The following SESN3 variants were observed in gnomAD, a reference collection of about 807,000 sequenced individuals.
SESN3 encodes sestrin 3.
A neutral mutation model predicts 55.3 loss-of-function variants in SESN3; 21 were observed. That is an observed-to-expected ratio of 0.38 (90% CI 0.27 to 0.55). SESN3 has a LOEUF of 0.55. Ranked by LOEUF, SESN3 falls within the 20% of genes least tolerant of loss-of-function variation. SESN3 has a pLI of 0.76. For missense variants in SESN3, 408 were observed against 604.3 expected, an observed-to-expected ratio of 0.68 and a Z score of 3.41; for synonymous variants, 181 against 203.1, an observed-to-expected ratio of 0.89 and a Z score of 0.93.
intron 1 of SESN3, among the ~76,000 whole-genome samples, chr11:95,201,997 C>T (rs115403985): frequency 0.01 from 1,563 of 152,148 alleles, 35 homozygotes; most frequent in African/African-American, 0.036. Context: ...CCATACTTCC[C>T]TTAAGCCCTG....
Position 95,177,761 on chromosome 11 carries a change from C to A in SESN3, c.1205G>T (p.Arg402Leu). 1 of 1,612,524 alleles carries A rather than the reference C, an allele frequency of 6.2e-7. No homozygotes were observed. The highest frequency in any genetic ancestry group is 8.5e-7 in the Non-Finnish European group (1 of 1,179,358). ...GTGAACATAGTTAAATAAAGCTCTG[C>A]GCAGCATGGTTGTGTCAACATCCTC... Reference protein sequence around the residue: ...THEDVDTTMLRRALFNYVHCM... With the variant: ...THEDVDTTMLLRALFNYVHCM... Residue 402 changes from arginine to leucine, a missense_variant, in exon 8 of 10, where the codon CGC becomes CTC. By Grantham distance (102) the Arg-to-Leu change is moderately radical. Around this residue, in one of 4 missense-constraint regions of SESN3, gnomAD observed 121 missense variants for 204.9 expected, o/e 0.59. Coordinates refer to ENST00000536441, the MANE Select transcript of SESN3 (RefSeq NM_144665.4).
intron 1 of SESN3, among the ~76,000 whole-genome samples, chr11:95,197,575 G>C (rs1402790108): frequency 6.6e-6 from 1 of 151,562 alleles, no homozygotes; most frequent in Non-Finnish European, 1.5e-5. Flanking sequence ...CTCCCGAGTT[G>C]CTGAGCTTCC....
Position 95,170,647 on chromosome 11 carries a change from T to C in SESN3, c.*2608A>G, listed in dbSNP as rs7930087. On this transcript the variant is annotated 3_prime_UTR_variant, in exon 10 of 10. Transcript: ENST00000536441. ...ACCGCATCAGAATTTCAAGTTTGCATTGGATAAAGAGAGTTAACAGCAAAC... is the reference window on the plus strand; with the variant it reads ...ACCGCATCAGAATTTCAAGTTTGCACTGGATAAAGAGAGTTAACAGCAAAC... 5.8e-3 allele frequency: 882 copies of C among 152,272 alleles called. 9 individuals are homozygous for C. Among genetic ancestry groups the C allele is most frequent in the African/African-American group, 0.02 (845 of 41,574 alleles). 9.4% of individuals were successfully genotyped at this position (152,272 alleles called of 1,614,324 possible). A position where few individuals can be genotyped will look rare whatever the true frequency, so the allele number is the denominator to read the frequency against.
intron 1 of SESN3, among the ~76,000 whole-genome samples, chr11:95,213,191 ATGTC>A (rs1860690869): frequency 6.6e-6 from 1 of 152,136 alleles, no homozygotes; most frequent in African/African-American, 2.4e-5. Context: ...CATATTGTGG[ATGTC>A]TGTCCACTTC....
rs770303513 is a variant in SESN3 at position 95,166,125 on chromosome 11, C to A, written c.*7130G>T. ...GACCGCCATTTGACACTGAAACTTG[C>A]GTGAATCCTAAATTGCATCAATTAT... On this transcript the variant is annotated 3_prime_UTR_variant, in exon 10 of 10. Transcript: ENST00000536441. 6.6e-6 allele frequency: 1 copy of A among 152,044 alleles called. No homozygotes were observed. The highest frequency in any genetic ancestry group is 2.4e-5 in the African/African-American group (1 of 41,400). 9.4% of individuals were successfully genotyped at this position (152,044 alleles called of 1,614,324 possible).
At position 95,229,184 on chromosome 11, in the gene SESN3, A is replaced by G. The variant is rs148337081; in HGVS notation, c.78+1599T>C. Among the ~76,000 whole-genome samples the G allele has an allele frequency of 1.7e-3, 259 of 152,346 alleles. 1 individual carries two copies. The highest frequency in any genetic ancestry group is 9.1e-3 in the South Asian group (44 of 4,832). On this transcript the variant is annotated intron_variant, in intron 1 of 9. Coordinates refer to ENST00000536441, the MANE Select transcript of SESN3 (RefSeq NM_144665.4). Reference sequence around the variant, plus strand: ...TTTTTTCATGTCAAAGACATAACATAAATTTAAAAATTAAGAAATAAATTT... The same window carrying G: ...TTTTTTCATGTCAAAGACATAACATGAATTTAAAAATTAAGAAATAAATTT...
intron 4 of SESN3, among the ~76,000 whole-genome samples, chr11:95,187,906 T>C (rs1216603469): frequency 6.6e-6 from 1 of 151,720 alleles, no homozygotes; most frequent in Non-Finnish European, 1.5e-5. Flanking sequence ...GTCACTCTCT[T>C]GTCCCACCCA....
At chr11:95,222,483 A>G (rs1211552027) in intron 1 of SESN3, among the ~76,000 whole-genome samples, 1 of 152,210 alleles carries the variant, frequency 6.6e-6, no homozygotes, top group Non-Finnish European at 1.5e-5. Flanking sequence ...GAAAATGAGA[A>G]AAGTTTTCAT....
chr11:95,197,446 T>C (rs532456188), intron 1 of SESN3, among the ~76,000 whole-genome samples: 3 of 70,958 alleles, frequency 4.2e-5, no homozygotes, highest in African/African-American at 1.3e-4. Flanking sequence ...TTTTCTTTTC[T>C]TTTTTTTTTT....
intron 1 of SESN3, among the ~76,000 whole-genome samples, chr11:95,210,713 A>T (rs532284596): frequency 1.3e-5 from 2 of 152,344 alleles, no homozygotes; most frequent in Admixed American, 6.5e-5. Context: ...TAAAACAGAA[A>T]GGAAGACTAA....
chr11:95,180,338 C>T (rs588170), intron 6 of SESN3, among the ~76,000 whole-genome samples: 7,555 of 152,198 alleles, frequency 0.05, 436 homozygotes, highest in East Asian at 0.3. Flanking sequence ...TTAATCTTTG[C>T]TATTGCATGA....
At chr11:95,221,483 A>G (rs928981543) in intron 1 of SESN3, among the ~76,000 whole-genome samples, 1 of 152,238 alleles carries the variant, frequency 6.6e-6, no homozygotes, top group Non-Finnish European at 1.5e-5. Flanking sequence ...GGAAGATGTA[A>G]AAATAAAATA....
chr11:95,186,607 A>G (rs1860172027), intron 4 of SESN3, among the ~76,000 whole-genome samples: 1 of 151,984 alleles, frequency 6.6e-6, no homozygotes, highest in African/African-American at 2.4e-5. Context: ...GAAGGAAGAT[A>G]TTGAACATTC....
At position 95,177,798 on chromosome 11, in the gene SESN3, T is replaced by C. The variant is rs776751070; in HGVS notation, c.1168A>G (p.Met390Val). ...GTGTCAACATCCTCATGGGTGGCCA[T>C]AGTGTTATATGTGAGATTGTAGACC... ...RMVYNLTYNT[M>V]ATHEDVDTTM... Residue 390 changes from methionine (M) to valine (V), a missense_variant, in exon 8 of 10, where the codon ATG becomes GTG. Physicochemically the swap from Met to Val is conservative, Grantham distance 21 (BLOSUM62 1). Coordinates refer to ENST00000536441, the MANE Select transcript of SESN3 (RefSeq NM_144665.4). The C allele has an allele frequency of 7.5e-6, 12 of 1,609,680 alleles. No individual in the cohort carries two copies. The highest frequency in any genetic ancestry group is 3.4e-5 in the Admixed American group (2 of 58,908).
rs1376248561 is a variant in SESN3 at position 95,190,170 on chromosome 11, T to G, written c.343-209A>C. 2.0e-5 allele frequency among the ~76,000 whole-genome samples: 3 copies of G among 151,972 alleles called. No homozygotes were observed. The East Asian group carries it at 5.8e-4, about 29-fold the overall frequency. ...CTTGTATAAGCAAATAATTGCCACA[T>G]GAAGCCAATTATTTCCTTGTCTGGA... On this transcript the variant is annotated intron_variant, in intron 3 of 9. Transcript: ENST00000536441.
chr11:95,173,237 T>C lies in SESN3; in HGVS notation c.*18A>G. On this transcript the variant is annotated 3_prime_UTR_variant, in exon 10 of 10. Coordinates refer to ENST00000536441, the MANE Select transcript of SESN3 (RefSeq NM_144665.4). Reference sequence around the variant, plus strand: ...GAAAGGTCTTTACACATGTATGACATTTTCCTTGGGTGATACTTCAGGTCA... The same window carrying C: ...GAAAGGTCTTTACACATGTATGACACTTTCCTTGGGTGATACTTCAGGTCA... 4 of 1,507,932 alleles carry C rather than the reference T, an allele frequency of 2.7e-6. No homozygotes were observed. The allele number at this position is 1,507,932 out of a possible 1,614,324, so 93.4% of individuals were successfully genotyped here.
At chr11:95,229,444 T>G (rs1222916278) in intron 1 of SESN3, among the ~76,000 whole-genome samples, 1 of 152,092 alleles carries the variant, frequency 6.6e-6, no homozygotes, top group Non-Finnish European at 1.5e-5. Flanking sequence ...AAACACAATT[T>G]AAGGCATATT....
intron 6 of SESN3, among the ~76,000 whole-genome samples, chr11:95,183,645 G>A (rs1231848992): frequency 4.4e-5 from 6 of 136,688 alleles, no homozygotes. Flanking sequence ...TCACGTCACT[G>A]AACTCCACCC....
chr11:95,198,109 G>A (rs1052834598), intron 1 of SESN3, among the ~76,000 whole-genome samples: 2 of 151,998 alleles, frequency 1.3e-5, no homozygotes, highest in Admixed American at 1.3e-4. Context: ...GCTAAATCCT[G>A]TAACTGTCTT....
Sources: gnomAD v4.1 joint callset for allele counts (sites outside exome capture counted in the v4.1 genomes callset) on GRCh38, gnomAD v4.1.1 for gene constraint, gnomAD v4.1.1 regional missense constraint, MANE v1.5 for transcripts, NCBI Gene and HGNC (gene_info 2026-07-23, HGNC 2026-07-21) for gene names.